Variants in MYO9B observed in about 807,000 individuals in gnomAD.
The protein encoded by MYO9B is unconventional myosin-IXb.
In MYO9B, 71 loss-of-function variants were observed where a neutral mutation model predicts 229.5. That is an observed-to-expected ratio of 0.31 (90% CI 0.26 to 0.38). The LOEUF (loss-of-function observed/expected upper bound fraction) is 0.38, where lower values mean the gene tolerates loss of function less well. Ranked by LOEUF, MYO9B falls within the 10% of genes least tolerant of loss-of-function variation. MYO9B has a pLI of 1.00. For synonymous variants in MYO9B, 1,185 were observed against 1,235.8 expected (o/e 0.96, Z 0.86); for missense variants, 2,255 against 2,920.5 (o/e 0.77, Z 5.25).
intron 16 of MYO9B, 122 bp downstream of exon 16, chr19:17,183,990 C>A: frequency 3.1e-6 from 3 of 978,124 alleles, no homozygotes; most frequent in African/African-American, 3.3e-5. Flanking sequence ...CCCCTCCCTC[C>A]AAGAAAAAAA....
intron 2 of MYO9B, among the ~76,000 whole-genome samples, chr19:17,132,177 T>C (rs1399156077): frequency 1.4e-5 from 2 of 141,716 alleles, no homozygotes; most frequent in Non-Finnish European, 3.0e-5. Context: ...TTATTTTATT[T>C]CTTTTTTTTT....
rs2072306221 is a variant in MYO9B, at chr19:17,139,091, A to C, written c.841-6306A>C. ...ACTCTGGAGGCTGAGGCAGGAGGATAGCCTGAACCTGGGAGGTGGAGGTTG... is the reference window on the plus strand; with the variant it reads ...ACTCTGGAGGCTGAGGCAGGAGGATCGCCTGAACCTGGGAGGTGGAGGTTG... On this transcript the variant is annotated intron_variant, in intron 2 of 39. Transcript: ENST00000682292. Among the ~76,000 whole-genome samples, 3 of 152,104 alleles carry C rather than the reference A, an allele frequency of 2.0e-5. No individual in the cohort carries two copies. The South Asian group carries it at 6.2e-4, about 32-fold the overall frequency.
intron 2 of MYO9B, among the ~76,000 whole-genome samples, chr19:17,127,378 G>A (rs1046566459): frequency 6.7e-5 from 10 of 149,970 alleles, no homozygotes; most frequent in African/African-American, 1.2e-4. Flanking sequence ...CCAGGCTGGA[G>A]TGCAGTGGCG....
intron 15 of MYO9B, 112 bp downstream of exon 15, chr19:17,181,152 A>T: frequency 1.5e-6 from 1 of 675,076 alleles, no homozygotes; most frequent in South Asian, 1.9e-5. Flanking sequence ...CTAAAACCAC[A>T]GTGCTGTCTC....
chr19:17,078,429 A>G (rs1426660212), intron 1 of MYO9B, among the ~76,000 whole-genome samples: 1 of 151,964 alleles, frequency 6.6e-6, no homozygotes, highest in Non-Finnish European at 1.5e-5. Flanking sequence ...AGTCCCAGCT[A>G]CTCTGGAGGC....
chr19:17,209,500 C>G (rs548974040), intron 35 of MYO9B, 86 bp from the exon 36 acceptor site: 1 of 1,440,912 alleles, frequency 6.9e-7, no homozygotes, highest in Admixed American at 2.1e-5. Flanking sequence ...ACCACTGCCC[C>G]CCAGGCACCA....
At chr19:17,110,475 C>T (rs563375123) in intron 2 of MYO9B, among the ~76,000 whole-genome samples, 12 of 152,298 alleles carry the variant, frequency 7.9e-5, no homozygotes, top group African/African-American at 2.9e-4. Context: ...CGCTCCTCTC[C>T]CTTTGCCCAC....
At position 17,172,993 on chromosome 19, in the gene MYO9B, C is replaced by T. The variant is rs531111611; in HGVS notation, c.2140+30C>T. The T allele has an allele frequency of 1.5e-4, 239 of 1,591,186 alleles. 2 individuals carry two copies. In the South Asian group the frequency reaches 2.4e-3, roughly 16 times the overall value. Reference sequence around the variant, plus strand: ...GAGCTGGGGCGTGAACCCACAAAAGCGTCACTGTCGAGAGGGGGGCACATC... The same window carrying T: ...GAGCTGGGGCGTGAACCCACAAAAGTGTCACTGTCGAGAGGGGGGCACATC... On this transcript the variant is annotated intron_variant, in intron 13 of 39. Coordinates refer to ENST00000682292, the MANE Select transcript of MYO9B (RefSeq NM_004145.4). The surrounding 1 kb of genome is among the most constrained non-coding windows in gnomAD (Gnocchi z 8.2).
At chr19:17,145,558 C>T in intron 3 of MYO9B, 67 bp downstream of exon 3, 1 of 1,309,046 alleles carries the variant, frequency 7.6e-7, no homozygotes, top group Non-Finnish European at 1.1e-6. Context: ...CTGACACACA[C>T]ATGGGAGTGA....
chr19:17,212,042 A>G lies in MYO9B; in HGVS notation c.6206A>G (p.Asn2069Ser). 1 of 1,607,842 alleles carries G rather than the reference A, an allele frequency of 6.2e-7. No homozygotes were observed. The highest frequency in any genetic ancestry group is 8.5e-7 in the Non-Finnish European group (1 of 1,177,926). The change falls in exon 40 of 40, where the codon AAC (asparagine) becomes AGC (serine). Residue 2069 changes from asparagine (N) to serine (S), a missense_variant. This residue lies in a region of MYO9B where 331 missense variants were observed against 332.5 expected (regional missense o/e 1.00). Coordinates refer to ENST00000682292, the MANE Select transcript of MYO9B (RefSeq NM_004145.4). The surrounding 1 kb of genome is among the most constrained non-coding windows in gnomAD (Gnocchi z 5.4). Reference protein sequence around the residue: ...PRRTPIMPTANIKLPPGLPSH... With the variant: ...PRRTPIMPTASIKLPPGLPSH... Reference sequence around the variant, plus strand: ...CGGACCCCCATCATGCCCACGGCCAACATCAAGCTCCCACCAGGCCTGCCC... The same window carrying G: ...CGGACCCCCATCATGCCCACGGCCAGCATCAAGCTCCCACCAGGCCTGCCC...
intron 1 of MYO9B, among the ~76,000 whole-genome samples, chr19:17,087,264 G>A (rs980198314): frequency 2.6e-5 from 4 of 151,780 alleles, no homozygotes; most frequent in Non-Finnish European, 4.4e-5. Context: ...GCCAGAATGC[G>A]CTGAAAGAAC....
chr19:17,108,011 C>T (rs1249834059), intron 2 of MYO9B, among the ~76,000 whole-genome samples: 2 of 152,210 alleles, frequency 1.3e-5, no homozygotes, highest in Non-Finnish European at 2.9e-5. Context: ...ACATCTTGTG[C>T]CTGGGTCCTT....
In MYO9B at chr19:17,102,301, A is replaced by G; in HGVS notation, c.584A>G (p.Tyr195Cys). ...AINPFKFLPI[Y>C]NPKYVKMYEN... is the part of the protein sequence containing the mutation. Reference sequence around the variant, plus strand: ...AACCCCTTTAAGTTCCTGCCCATCTACAACCCCAAGTACGTGAAGATGTAT... The same window carrying G: ...AACCCCTTTAAGTTCCTGCCCATCTGCAACCCCAAGTACGTGAAGATGTAT... The change falls in exon 2 of 40, where the codon TAC becomes TGC. Residue 195 changes from tyrosine to cysteine, a missense_variant. Transcript: ENST00000682292. 1 of 1,614,016 alleles carries G rather than the reference A, an allele frequency of 6.2e-7. No individual in the cohort carries two copies. The highest frequency in any genetic ancestry group is 8.5e-7 in the Non-Finnish European group (1 of 1,179,890).
intron 3 of MYO9B, among the ~76,000 whole-genome samples, chr19:17,147,092 A>G (rs2072420148): frequency 1.3e-5 from 2 of 152,218 alleles, no homozygotes; most frequent in Admixed American, 1.3e-4. Flanking sequence ...AGCCCCCACA[A>G]GGCAGTCAGT....
At chr19:17,083,892 C>A (rs1379649813) in intron 1 of MYO9B, among the ~76,000 whole-genome samples, 4 of 151,750 alleles carry the variant, frequency 2.6e-5, no homozygotes. Context: ...CTCAGGTGAT[C>A]CACCCACCTC....
Position 17,159,287 on chromosome 19 carries a change from C to T in MYO9B, c.1330-108C>T, listed in dbSNP as rs906851222. 1.8e-5 allele frequency: 17 copies of T among 965,802 alleles called. No individual in the cohort carries two copies. The Admixed American group carries it at 2.5e-4, about 14-fold the overall frequency. The allele number at this position is 965,802 out of a possible 1,614,324, so 59.8% of individuals were successfully genotyped here. A position where few individuals can be genotyped will look rare whatever the true frequency, so the allele number is the denominator to read the frequency against. On this transcript the variant is annotated intron_variant, in intron 7 of 39. Coordinates refer to ENST00000682292, the MANE Select transcript of MYO9B (RefSeq NM_004145.4). Reference sequence around the variant, plus strand: ...CTTCTAGGCCTGGCTGCTGGGGGTCCGTCTCCCAGCTGCCTCAGGCTCCGG... The same window carrying T: ...CTTCTAGGCCTGGCTGCTGGGGGTCTGTCTCCCAGCTGCCTCAGGCTCCGG...
intron 1 of MYO9B, among the ~76,000 whole-genome samples, chr19:17,096,706 G>GGTT (rs1555800869): frequency 8.9e-4 from 19 of 21,396 alleles, no homozygotes; most frequent in African/African-American, 3.3e-3. Context: ...GTTGTTGTTG[G>GGTT]TTTTTTTTTT....
intron 2 of MYO9B, among the ~76,000 whole-genome samples, chr19:17,121,104 A>C (rs2057959642): frequency 6.6e-6 from 1 of 152,000 alleles, no homozygotes; most frequent in African/African-American, 2.4e-5. Context: ...CACCACACCC[A>C]GCTAATTTTT....
At chr19:17,089,964 C>T (rs775021728) in intron 1 of MYO9B, among the ~76,000 whole-genome samples, 1 of 152,076 alleles carries the variant, frequency 6.6e-6, no homozygotes, top group Non-Finnish European at 1.5e-5. Flanking sequence ...AACGACTCAT[C>T]ACTTTCTGTG....
Sources: allele counts gnomAD v4.1 joint callset (sites outside exome capture counted in the v4.1 genomes callset), GRCh38; gene constraint gnomAD v4.1.1; regional missense constraint gnomAD v4.1.1; non-coding constraint Gnocchi (gnomAD v3.1); transcripts MANE v1.5; gene names NCBI Gene and HGNC (gene_info 2026-07-23, HGNC 2026-07-21).